The following MVB12A variants were observed in gnomAD, a reference collection of about 807,000 sequenced individuals.
The protein encoded by MVB12A is CIN85/CD2AP family binding protein.
In MVB12A, 30 loss-of-function variants were observed where a neutral mutation model predicts 34.3. The ratio of observed to expected loss-of-function variants is 0.88; its 90% CI spans 0.65 to 1.19. The LOEUF (loss-of-function observed/expected upper bound fraction) is 1.19. Among genes scored for constraint, MVB12A ranks in the 50% most tolerant of loss-of-function variants. The pLI is 0.00. For synonymous variants in MVB12A, 158 were observed against 158.9 expected, an observed-to-expected ratio of 0.99 and a Z score of 0.04; for missense variants, 355 against 369.2, an observed-to-expected ratio of 0.96 and a Z score of 0.31.
At chr19:17,407,567 C>G (rs956637345) in intron 2 of MVB12A, among the ~76,000 whole-genome samples, 2 of 152,202 alleles carry the variant, frequency 1.3e-5, no homozygotes, top group East Asian at 3.8e-4. Context: ...GACAGAAAGA[C>G]AGCTTATGCC....
At chr19:17,409,782 C>T (rs138941724) in intron 2 of MVB12A, among the ~76,000 whole-genome samples, 68 of 151,882 alleles carry the variant, frequency 4.5e-4, no homozygotes, top group African/African-American at 1.6e-3. Flanking sequence ...GATGGAGTCT[C>T]GGTCTGTCTC....
chr19:17,409,632 G>C (rs28753940), intron 2 of MVB12A, among the ~76,000 whole-genome samples: 1 of 148,532 alleles, frequency 6.7e-6, no homozygotes, highest in East Asian at 2.0e-4. Flanking sequence ...ATTTTTAGTA[G>C]AGAGGTTTAG....
At chr19:17,421,463 C>T (rs553707640) in intron 3 of MVB12A, among the ~76,000 whole-genome samples, 3 of 152,028 alleles carry the variant, frequency 2.0e-5, no homozygotes, top group East Asian at 3.9e-4. Flanking sequence ...GGATTACAGG[C>T]GTGAGCCACC....
chr19:17,425,127 A>G lies in MVB12A; in HGVS notation c.*134A>G, dbSNP rs569515862. On this transcript the variant is annotated 3_prime_UTR_variant, in exon 9 of 9. Transcript: ENST00000317040. ...ACCTTCGCCCTGCAAGGCGTTTGCT[A>G]TCTTCAGCCACTGGGCGGAGCTGCA... 9.6e-6 allele frequency: 6 copies of G among 622,056 alleles called. No homozygotes were observed. The highest frequency in any genetic ancestry group is 2.8e-5 in the Admixed American group (1 of 35,200). The allele number at this position is 622,056 out of a possible 1,614,324, so 38.5% of individuals were successfully genotyped here. A position where few individuals can be genotyped will look rare whatever the true frequency, so the allele number is the denominator to read the frequency against.
intron 4 of MVB12A, 134 bp from the exon 5 acceptor site, chr19:17,423,360 CAAAA>C (rs375399762): frequency 4.0e-3 from 3,515 of 881,804 alleles, no homozygotes; most frequent in South Asian, 6.5e-3. Context: ...ACTCCGTCCC[CAAAA>C]AAAAAAAAAA....
Position 17,420,373 on chromosome 19 carries a change from G to A in MVB12A, c.151G>A (p.Gly51Ser), listed in dbSNP as rs1194199707. 6.2e-7 allele frequency: 1 copy of A among 1,613,708 alleles called. No individual in the cohort carries two copies. Among genetic ancestry groups the A allele is most frequent in the Non-Finnish European group, 8.5e-7 (1 of 1,179,864 alleles). ...SFGKSFAQKS[G>S]YFLCLSSLGS... ...TGGCAAGAGCTTCGCGCAGAAATCTGGCTACTTCCTGTGCCTTAGTTCTCT... is the reference window on the plus strand; with the variant it reads ...TGGCAAGAGCTTCGCGCAGAAATCTAGCTACTTCCTGTGCCTTAGTTCTCT... The change falls in exon 2 of 9, where the codon GGC becomes AGC. Residue 51 changes from glycine to serine, a missense_variant. By Grantham distance (56) the Gly-to-Ser change is moderately conservative. Coordinates refer to ENST00000317040, the MANE Select transcript of MVB12A (RefSeq NM_138401.4).
At chr19:17,421,743 A>G (rs1276798327) in intron 3 of MVB12A, among the ~76,000 whole-genome samples, 2 of 151,806 alleles carry the variant, frequency 1.3e-5, no homozygotes, top group African/African-American at 2.4e-5. Context: ...GGAGTTCCAG[A>G]CCAGCCTGGC....
In MVB12A at chr19:17,425,111, C is replaced by G. The variant is rs1225062554; in HGVS notation, c.*118C>G. ...TCACTGCATCCTGGGAACCTTCGCCCTGCAAGGCGTTTGCTATCTTCAGCC... is the reference window on the plus strand; with the variant it reads ...TCACTGCATCCTGGGAACCTTCGCCGTGCAAGGCGTTTGCTATCTTCAGCC... On this transcript the variant is annotated 3_prime_UTR_variant, in exon 9 of 9. Coordinates refer to ENST00000317040, the MANE Select transcript of MVB12A (RefSeq NM_138401.4). 2 of 646,758 alleles carry G rather than the reference C, an allele frequency of 3.1e-6. No homozygotes were observed. The highest frequency in any genetic ancestry group is 2.7e-6 in the Non-Finnish European group (1 of 365,562). The allele number at this position is 646,758 out of a possible 1,614,324, so 40.1% of individuals were successfully genotyped here. A position where few individuals can be genotyped will look rare whatever the true frequency, so the allele number is the denominator to read the frequency against.
chr19:17,413,132 A>G (rs1328479396), intron 2 of MVB12A: 1 of 151,370 alleles, frequency 6.6e-6, no homozygotes, highest in African/African-American at 2.4e-5. Flanking sequence ...ACCACTTAAC[A>G]CAATCAGGAA....
chr19:17,410,627 A>G lies in MVB12A; in HGVS notation c.-5+4331A>G, dbSNP rs188143494. Among the ~76,000 whole-genome samples, 802 of 135,730 alleles carry G rather than the reference A, an allele frequency of 5.9e-3. 9 individuals carry two copies. Among genetic ancestry groups the G allele is most frequent in the African/African-American group, 0.024 (771 of 32,340 alleles). The allele number at this position is 135,730 out of a possible 152,430, so 89.0% of individuals were successfully genotyped here. On this transcript the variant is annotated intron_variant, in intron 2 of 6. Transcript: ENST00000528604. Reference sequence around the variant, plus strand: ...ATACACATATATATATATAATTATTATTATTTTAGAGAAACATTTCAGTTG... The same window carrying G: ...ATACACATATATATATATAATTATTGTTATTTTAGAGAAACATTTCAGTTG...
chr19:17,424,794 C>T, intron 8 of MVB12A, 117 bp downstream of exon 8: 1 of 1,386,424 alleles, frequency 7.2e-7, no homozygotes, highest in Non-Finnish European at 1.0e-6. Flanking sequence ...CCCGCTTTGC[C>T]CCAGACACAC....
intron 3 of MVB12A, chr19:17,420,898 A>G: frequency 1.5e-6 from 1 of 671,348 alleles, no homozygotes. Context: ...CTGTTGTGCT[A>G]CTTGTGTCTT....
Position 17,425,059 on chromosome 19 carries a change from C to A in MVB12A, c.*66C>A, listed in dbSNP as rs1000102962. 2.0e-4 allele frequency: 116 copies of A among 566,880 alleles called. No homozygotes were observed. The highest frequency in any genetic ancestry group is 5.9e-5 in the South Asian group (2 of 33,894). 35.1% of individuals were successfully genotyped at this position (566,880 alleles called of 1,614,324 possible). A position where few individuals can be genotyped will look rare whatever the true frequency, so the allele number is the denominator to read the frequency against. The stretch of plus-strand genomic sequence containing the variant: ...CCCCGCCAGCCTGGGGCCACCCCCC[C>A]TCACTGCATCCTGGGGCCACCCCCA... On this transcript the variant is annotated 3_prime_UTR_variant, in exon 9 of 9. Transcript: ENST00000317040.
intron 2 of MVB12A, among the ~76,000 whole-genome samples, chr19:17,406,895 G>A (rs574258573): frequency 1.3e-5 from 2 of 152,250 alleles, no homozygotes; most frequent in South Asian, 4.1e-4. Context: ...TTCTGAGGGT[G>A]AACTTGTCCC....
At chr19:17,411,214 C>T (rs1273461625) in intron 2 of MVB12A, among the ~76,000 whole-genome samples, 1 of 152,000 alleles carries the variant, frequency 6.6e-6, no homozygotes, top group Non-Finnish European at 1.5e-5. Flanking sequence ...GATCTGCCCA[C>T]CTCAGCCTCC....
At chr19:17,420,893 G>T (rs970858456) in intron 3 of MVB12A, 2 of 672,434 alleles carry the variant, frequency 3.0e-6, no homozygotes, top group African/African-American at 3.5e-5. Flanking sequence ...CACTACTGTT[G>T]TGCTACTTGT....
At chr19:17,418,898 A>AAAAAAC (rs2074818611), upstream of MVB12A, 1 of 151,106 alleles carries the variant, frequency 6.6e-6, no homozygotes, top group Admixed American at 6.6e-5. Flanking sequence ...AAAAAAAAAA[A>AAAAAAC]AAAAAAAGGC....
chr19:17,408,954 G>A (rs1281612736), intron 2 of MVB12A, among the ~76,000 whole-genome samples: 1 of 146,748 alleles, frequency 6.8e-6, no homozygotes, highest in African/African-American at 2.5e-5. Context: ...TCAGCCTCCT[G>A]AGTAGCTGGG....
chr19:17,410,607 C>CAT lies in MVB12A; in HGVS notation c.-5+4323_-5+4324dup, dbSNP rs534736872. Among the ~76,000 whole-genome samples, 1,146 of 135,586 alleles carry CAT rather than the reference C, an allele frequency of 8.5e-3. 14 individuals carry two copies. The highest frequency in any genetic ancestry group is 0.029 in the African/African-American group (1,017 of 35,618). 88.9% of individuals were successfully genotyped at this position (135,586 alleles called of 152,430 possible). A position where few individuals can be genotyped will look rare whatever the true frequency, so the allele number is the denominator to read the frequency against. Reference sequence around the variant, plus strand: ...ATATATACACACATATATATATACACATATATATATATAATTATTATTATT... The same window carrying CAT: ...ATATATACACACATATATATATACACATATATATATATATAATTATTATTATT... On this transcript the variant is annotated intron_variant, in intron 2 of 6. Transcript: ENST00000528604.
Sources: gnomAD v4.1 joint callset for allele counts (sites outside exome capture counted in the v4.1 genomes callset) on GRCh38, gnomAD v4.1.1 for gene constraint, MANE v1.5 for transcripts, NCBI Gene and HGNC (gene_info 2026-07-23, HGNC 2026-07-21) for gene names.